The following GLRA3 variants were observed in gnomAD, a reference collection of about 807,000 sequenced individuals.
The protein encoded by GLRA3 is glycine receptor subunit alpha-3.
GLRA3 carries 44 observed loss-of-function variants against 60.4 expected under a neutral mutation model. The ratio of observed to expected loss-of-function variants is 0.73; its 90% CI spans 0.57 to 0.94. GLRA3 has a LOEUF of 0.94. Among genes scored for constraint, GLRA3 ranks in the 40% least tolerant of loss-of-function variants. The probability of loss-of-function intolerance (pLI) is 0.00; values close to 1 mark genes in which losing one functional copy is unlikely to be tolerated. For missense variants in GLRA3, 508 were observed against 564.6 expected (o/e 0.90, Z 1.02); for synonymous variants, 223 against 192.9 (o/e 1.16, Z -1.29).
intron 1 of GLRA3, among the ~76,000 whole-genome samples, chr4:174,805,946 A>C (rs971122462): frequency 6.6e-6 from 1 of 152,108 alleles, no homozygotes; most frequent in Non-Finnish European, 1.5e-5. Flanking sequence ...GATTTGATTT[A>C]GAGTATCACT....
intron 5 of GLRA3, among the ~76,000 whole-genome samples, chr4:174,713,933 A>G (rs1424443799): frequency 6.6e-6 from 1 of 152,088 alleles, no homozygotes; most frequent in Non-Finnish European, 1.5e-5. Flanking sequence ...TCCCATCAAC[A>G]TTTGCTTCTC....
At position 174,677,156 on chromosome 4, in the gene GLRA3, C is replaced by G. The variant is rs199629927; in HGVS notation, c.849G>C (p.Pro283=). Reference sequence around the variant, plus strand: ...TGGTTATCCCCAGAGCTACCCTGGCCGGTGCTGCATCCATGTTGATCCAGA... The same window carrying G: ...TGGTTATCCCCAGAGCTACCCTGGCGGGTGCTGCATCCATGTTGATCCAGA... ...VSFWINMDAA[P]ARVALGITTV... The change falls in exon 7 of 10, where the codon CCG becomes CCC. Residue 283 remains proline, a synonymous_variant. Transcript: ENST00000274093. 2.4e-5 allele frequency: 39 copies of G among 1,613,120 alleles called. No individual in the cohort carries two copies. Among genetic ancestry groups the G allele is most frequent in the Non-Finnish European group, 5.1e-6 (6 of 1,179,340 alleles).
At chr4:174,699,100 T>C (rs565795554) in intron 5 of GLRA3, among the ~76,000 whole-genome samples, 2 of 151,768 alleles carry the variant, frequency 1.3e-5, no homozygotes, top group East Asian at 3.9e-4. Flanking sequence ...CAGGTTCAAG[T>C]GATTCTCCTG....
At chr4:174,685,784 A>G (rs1437232037) in intron 5 of GLRA3, among the ~76,000 whole-genome samples, 1 of 152,162 alleles carries the variant, frequency 6.6e-6, no homozygotes, top group African/African-American at 2.4e-5. Context: ...ATAGGCACCA[A>G]TTCTACCTTC....
At chr4:174,686,217 GTAATATTGTCTTAA>G (rs1335996954) in intron 5 of GLRA3, among the ~76,000 whole-genome samples, 1 of 152,138 alleles carries the variant, frequency 6.6e-6, no homozygotes. Flanking sequence ...CAACTAAGTG[GTAATATTGTCTTAA>G]TAAACTCTCA....
intron 2 of GLRA3, among the ~76,000 whole-genome samples, chr4:174,785,936 GTTTT>G (rs752488665): frequency 1.9e-5 from 2 of 103,478 alleles, no homozygotes; most frequent in Admixed American, 1.1e-4. Flanking sequence ...TGCCTGGCTA[GTTTT>G]TTTTTTTTTT....
chr4:174,801,867 T>A (rs1739825279), intron 1 of GLRA3, among the ~76,000 whole-genome samples: 2 of 152,072 alleles, frequency 1.3e-5, no homozygotes, highest in South Asian at 4.1e-4. Context: ...TAGCACTTGT[T>A]GCAATTGTAA....
At chr4:174,809,469 A>G (rs1049212368) in intron 1 of GLRA3, among the ~76,000 whole-genome samples, 1 of 152,232 alleles carries the variant, frequency 6.6e-6, no homozygotes, top group Non-Finnish European at 1.5e-5. Context: ...GCTGTGACTC[A>G]CACCTGTAAT....
chr4:174,716,225 T>A (rs9993143), intron 4 of GLRA3, among the ~76,000 whole-genome samples: 22,512 of 152,154 alleles, frequency 0.15, 2,011 homozygotes, highest in South Asian at 0.21. Context: ...GATAAGGGAA[T>A]CATCAGGGTC....
chr4:174,730,233 C>G (rs1736501805), intron 3 of GLRA3, among the ~76,000 whole-genome samples: 1 of 152,168 alleles, frequency 6.6e-6, no homozygotes, highest in Non-Finnish European at 1.5e-5. Context: ...AGGTCATCTT[C>G]TCTTAGCCTG....
chr4:174,793,020 GT>G (rs1739417361), intron 1 of GLRA3, among the ~76,000 whole-genome samples: 2 of 152,200 alleles, frequency 1.3e-5, no homozygotes, highest in South Asian at 4.1e-4. Flanking sequence ...AGAGAAAAAT[GT>G]TTTTCTTCAA....
intron 1 of GLRA3, 75 bp from the exon 2 acceptor site, chr4:174,789,018 A>G: frequency 1.1e-6 from 1 of 910,516 alleles, no homozygotes; most frequent in Non-Finnish European, 1.6e-6. Context: ...AATATAAAAT[A>G]GAAATGCTGA....
At chr4:174,740,141 A>C (rs917735314) in intron 3 of GLRA3, among the ~76,000 whole-genome samples, 3 of 152,204 alleles carry the variant, frequency 2.0e-5, no homozygotes, top group Non-Finnish European at 4.4e-5. Context: ...CCAGACTTCA[A>C]AACAATGCTA....
chr4:174,816,100 G>C (rs1740490358), intron 1 of GLRA3, among the ~76,000 whole-genome samples: 1 of 152,140 alleles, frequency 6.6e-6, no homozygotes, highest in Non-Finnish European at 1.5e-5. Flanking sequence ...GTGAGTATGT[G>C]GTGGAAGACA....
intron 9 of GLRA3, among the ~76,000 whole-genome samples, chr4:174,645,420 C>CAAAAAAA (rs201216075): frequency 3.9e-5 from 3 of 76,116 alleles, no homozygotes; most frequent in African/African-American, 8.0e-5. Context: ...ACTCCGTCTC[C>CAAAAAAA]AAAAAAAAAA....
At chr4:174,701,241 C>A (rs1477340161) in intron 5 of GLRA3, among the ~76,000 whole-genome samples, 1 of 152,056 alleles carries the variant, frequency 6.6e-6, no homozygotes, top group Admixed American at 6.6e-5. Context: ...GATCCTAGGG[C>A]CCTTAACAAT....
chr4:174,726,321 C>T (rs150819584), intron 4 of GLRA3, among the ~76,000 whole-genome samples: 4 of 152,256 alleles, frequency 2.6e-5, no homozygotes, highest in Non-Finnish European at 4.4e-5. Context: ...TTGTCCTTTC[C>T]TGACACTATC....
Position 174,728,710 on chromosome 4 carries a change from T to G in GLRA3, c.268-12A>C, listed in dbSNP as rs1872548. 921,920 of 1,449,440 alleles carry G rather than the reference T, an allele frequency of 0.64. 297,739 individuals are homozygous for G. Among genetic ancestry groups the G allele is most frequent in the South Asian group, 0.72 (57,991 of 80,972 alleles). The allele number at this position is 1,449,440 out of a possible 1,614,324, so 89.8% of individuals were successfully genotyped here. On this transcript the variant is annotated splice_polypyrimidine_tract_variant and intron_variant, in intron 3 of 9. Coordinates refer to ENST00000274093, the MANE Select transcript of GLRA3 (RefSeq NM_006529.4). ...TTCACTCTGTAATCCTATGATAAAA[T>G]AATGAAAGAAAGAAAAAAAAAAACC...
chr4:174,754,924 A>T (rs1737632226), intron 3 of GLRA3, among the ~76,000 whole-genome samples: 1 of 152,158 alleles, frequency 6.6e-6, no homozygotes, highest in African/African-American at 2.4e-5. Context: ...TTCTATAAAC[A>T]TGCGTGAAAG....
Sources: gnomAD v4.1 joint callset for allele counts (sites outside exome capture counted in the v4.1 genomes callset) on GRCh38, gnomAD v4.1.1 for gene constraint, MANE v1.5 for transcripts, NCBI Gene and HGNC (gene_info 2026-07-23, HGNC 2026-07-21) for gene names.